The following FKBP1B variants were observed in gnomAD, a reference collection of about 807,000 sequenced individuals.
FKBP1B encodes the protein FKBP prolyl isomerase 1B.
A neutral mutation model predicts 13.5 loss-of-function variants in FKBP1B; 4 were observed. The observed-to-expected ratio is 0.30, with a 90% CI of 0.15 to 0.68. The LOEUF (loss-of-function observed/expected upper bound fraction) is 0.68. Ranked by LOEUF, FKBP1B falls within the 30% of genes least tolerant of loss-of-function variation. FKBP1B has a pLI of 0.76. For missense variants in FKBP1B, 93 were observed against 136.2 expected, an observed-to-expected ratio of 0.68 and a Z score of 1.58; for synonymous variants, 54 against 53.6, an observed-to-expected ratio of 1.01 and a Z score of -0.03.
At chr2:24,036,698 G>A in the FKBP1B span, among the ~76,000 whole-genome samples, 580 of 152,300 alleles carry the variant, frequency 3.8e-3, 4 homozygotes, top group Non-Finnish European at 6.6e-3. Flanking sequence ...ATCAACAAGG[G>A]AATGGCTAAA....
At chr2:24,041,947 C>G in the FKBP1B span, among the ~76,000 whole-genome samples, 1 of 150,714 alleles carries the variant, frequency 6.6e-6, no homozygotes, top group Admixed American at 6.6e-5. Flanking sequence ...TGAATACTCA[C>G]TTTGAAATAT....
At chr2:24,048,898 C>G (rs868730196), upstream of FKBP1B, among the ~76,000 whole-genome samples, 3 of 152,256 alleles carry the variant, frequency 2.0e-5, no homozygotes, top group Middle Eastern at 0.01. Context: ...TGTCTTAATT[C>G]TATTGGTATC....
At chr2:24,049,343 T>C (rs1363808271), upstream of FKBP1B, among the ~76,000 whole-genome samples, 1 of 152,014 alleles carries the variant, frequency 6.6e-6, no homozygotes, top group African/African-American at 2.4e-5. Flanking sequence ...GACTCCAGCC[T>C]GGGCGACAGA....
At chr2:24,049,678 G>A, upstream of FKBP1B, 2 of 428,254 alleles carry the variant, frequency 4.7e-6, no homozygotes, top group Non-Finnish European at 7.8e-6. Flanking sequence ...CCGCCCCGCC[G>A]CCCCCTTGCC....
chr2:24,038,023 G>A, the FKBP1B span: 3 of 1,614,024 alleles, frequency 1.9e-6, no homozygotes, highest in East Asian at 2.2e-5. Context: ...TGTTCTTCCA[G>A]GCCTTCCATT....
intron 2 of FKBP1B, among the ~76,000 whole-genome samples, chr2:24,058,600 T>A (rs1397967671): frequency 6.6e-6 from 1 of 152,190 alleles, no homozygotes; most frequent in Non-Finnish European, 1.5e-5. Flanking sequence ...GGTATATAAA[T>A]GGAGTGTGTG....
the FKBP1B span, chr2:24,038,598 A>T: frequency 6.2e-7 from 1 of 1,614,040 alleles, no homozygotes; most frequent in South Asian, 1.1e-5. Flanking sequence ...GACAAATAAG[A>T]GAATTACCCT....
chr2:24,063,109 G>A lies in FKBP1B; in HGVS notation c.244G>A (p.Ala82Thr). ...RAKLTCTPDV[A>T]YGATGHPGVI... ...GAAGCTGACCTGCACCCCTGATGTG[G>A]CATATGGAGCCACGGGCCACCCCGG... is the stretch of plus-strand genomic sequence containing the variant. The change falls in exon 4 of 4, where the codon GCA (alanine) becomes ACA (threonine). Residue 82 changes from alanine (A) to threonine (T), a missense_variant. Ala to Thr is a moderately conservative substitution (Grantham distance 58, BLOSUM62 0). Transcript: ENST00000380986. 1 of 1,614,016 alleles carries A rather than the reference G, an allele frequency of 6.2e-7. No individual in the cohort carries two copies. Among genetic ancestry groups the A allele is most frequent in the South Asian group, 1.1e-5 (1 of 91,054 alleles).
the FKBP1B span, among the ~76,000 whole-genome samples, chr2:24,034,771 T>C: frequency 1.7e-3 from 263 of 152,040 alleles, 2 homozygotes; most frequent in African/African-American, 6.1e-3. Flanking sequence ...GACAGGGTTT[T>C]GCCATGCTGC....
chr2:24,052,585 TA>T (rs889822307), intron 1 of FKBP1B, among the ~76,000 whole-genome samples: 2 of 152,252 alleles, frequency 1.3e-5, no homozygotes, highest in African/African-American at 4.8e-5. Flanking sequence ...CATCTCCCTT[TA>T]ATACATCATT....
intron 2 of FKBP1B, among the ~76,000 whole-genome samples, chr2:24,056,750 G>A (rs921979109): frequency 6.6e-6 from 1 of 152,074 alleles, no homozygotes; most frequent in African/African-American, 2.4e-5. Flanking sequence ...GAGTGCAATG[G>A]CGCAATCTTC....
chr2:24,050,013 C>A lies in FKBP1B; in HGVS notation c.37+127C>A, dbSNP rs1269959185. The A allele has an allele frequency of 9.7e-6, 6 of 621,338 alleles. No homozygotes were observed. The highest frequency in any genetic ancestry group is 4.3e-5 in the Admixed American group (1 of 23,002). 38.5% of individuals were successfully genotyped at this position (621,338 alleles called of 1,614,324 possible). A position where few individuals can be genotyped will look rare whatever the true frequency, so the allele number is the denominator to read the frequency against. The stretch of plus-strand genomic sequence containing the variant: ...CGGGGGGCTGGATGGGGAAGGCAGG[C>A]GGAGACGCCGGACGGGATTCTTGGG... On this transcript the variant is annotated intron_variant, in intron 1 of 3. Coordinates refer to ENST00000380986, the MANE Select transcript of FKBP1B (RefSeq NM_004116.5). The surrounding 1 kb of genome is among the most constrained non-coding windows in gnomAD (Gnocchi z 5.8).
chr2:24,059,641 C>T lies in FKBP1B; in HGVS notation c.86-1173C>T, dbSNP rs532590092. Among the ~76,000 whole-genome samples the T allele has an allele frequency of 5.9e-5, 9 of 152,186 alleles. No homozygotes were observed. The South Asian group carries it at 8.3e-4, about 14-fold the overall frequency. ...GGGCATGATAGCTCACACCTGTAAT[C>T]CCAGCACTTTGGGAGGCTGAGGTGG... On this transcript the variant is annotated intron_variant, in intron 2 of 3. Coordinates refer to ENST00000380986, the MANE Select transcript of FKBP1B (RefSeq NM_004116.5).
the FKBP1B span, among the ~76,000 whole-genome samples, chr2:24,039,989 C>T: frequency 1.3e-5 from 2 of 151,672 alleles, no homozygotes; most frequent in Non-Finnish European, 1.5e-5. Context: ...TTAGTAGAGA[C>T]GGGGTTTCAC....
At chr2:24,034,510 C>G in the FKBP1B span, among the ~76,000 whole-genome samples, 2 of 151,056 alleles carry the variant, frequency 1.3e-5, no homozygotes. Flanking sequence ...TAACTACTGA[C>G]AACAGCTTGG....
chr2:24,057,945 C>G (rs991410930), intron 2 of FKBP1B, among the ~76,000 whole-genome samples: 6 of 151,880 alleles, frequency 4.0e-5, no homozygotes, highest in African/African-American at 1.5e-4. Flanking sequence ...GCCTATAATC[C>G]CAGCACTTTG....
intron 2 of FKBP1B, among the ~76,000 whole-genome samples, chr2:24,058,511 T>C (rs1453312471): frequency 6.6e-6 from 1 of 152,216 alleles, no homozygotes; most frequent in Non-Finnish European, 1.5e-5. Flanking sequence ...CTTGTAGCAA[T>C]AGATAAATGA....
the FKBP1B span, among the ~76,000 whole-genome samples, chr2:24,044,263 G>C: frequency 5.3e-5 from 8 of 151,646 alleles, no homozygotes; most frequent in African/African-American, 1.5e-4. Context: ...TAAGTTTACT[G>C]AGGTTTTTTT....
chr2:24,060,909 G>A lies in FKBP1B; in HGVS notation c.181G>A (p.Glu61Lys), dbSNP rs755794738. The A allele has an allele frequency of 1.2e-6, 2 of 1,614,048 alleles. No homozygotes were observed. The highest frequency in any genetic ancestry group is 1.7e-6 in the Non-Finnish European group (2 of 1,179,898). The change falls in exon 3 of 4, where the codon GAA becomes AAA. Residue 61 changes from glutamate (E) to lysine (K), a missense_variant. Physicochemically the swap from Glu to Lys is moderately conservative, Grantham distance 56. Transcript: ENST00000380986. The stretch of plus-strand genomic sequence containing the variant: ...CAAACAGGAAGTCATCAAAGGTTTT[G>A]AAGAGGGTGCAGCCCAGGTAGGATG... ...IGKQEVIKGF[E>K]EGAAQMSLGQ...
Sources: gnomAD v4.1 joint callset for allele counts (sites outside exome capture counted in the v4.1 genomes callset) on GRCh38, gnomAD v4.1.1 for gene constraint, Gnocchi (gnomAD v3.1) non-coding constraint, MANE v1.5 for transcripts, NCBI Gene and HGNC (gene_info 2026-07-23, HGNC 2026-07-21) for gene names.